Variants in DCLK2 observed in about 807,000 individuals in gnomAD.
DCLK2 encodes the protein doublecortin like kinase 2, also known as serine/threonine-protein kinase DCLK2.
Under a neutral mutation model 78.4 loss-of-function variants are expected in DCLK2, and 31 were observed. The observed-to-expected ratio is 0.40, with a 90% CI of 0.30 to 0.53. The LOEUF (loss-of-function observed/expected upper bound fraction) is 0.53, where lower values mean the gene tolerates loss of function less well. Among genes scored for constraint, DCLK2 ranks in the 20% least tolerant of loss-of-function variants. The pLI is 0.61. For missense variants in DCLK2, 872 were observed against 973.7 expected, an observed-to-expected ratio of 0.90 and a Z score of 1.39; for synonymous variants, 407 against 374.9, an observed-to-expected ratio of 1.09 and a Z score of -0.99.
rs528775525 is a variant in DCLK2 at position 150,110,950 on chromosome 4, A to T, written c.756+8138A>T. 2.6e-5 allele frequency among the ~76,000 whole-genome samples: 4 copies of T among 152,302 alleles called. No homozygotes were observed. In the East Asian group the frequency reaches 7.7e-4, roughly 29 times the overall value. ...GAATTGTGCTATGATAAACATACAC[A>T]TGCAGTGTCTTTTTGATATAATGGC... is the stretch of plus-strand genomic sequence containing the variant. On this transcript the variant is annotated intron_variant, in intron 2 of 15. Transcript: ENST00000296550.
chr4:150,118,399 T>G (rs1171146354), intron 2 of DCLK2, among the ~76,000 whole-genome samples: 1 of 152,176 alleles, frequency 6.6e-6, no homozygotes, highest in African/African-American at 2.4e-5. Flanking sequence ...GAGTGATTAG[T>G]ACTAGACAAA....
At chr4:150,179,732 C>G (rs754202708) in intron 2 of DCLK2, among the ~76,000 whole-genome samples, 2 of 152,144 alleles carry the variant, frequency 1.3e-5, no homozygotes, top group African/African-American at 2.4e-5. Flanking sequence ...CAAATAGAGT[C>G]CCATTCTGTT....
At chr4:150,244,655 C>T (rs986039333) in intron 12 of DCLK2, among the ~76,000 whole-genome samples, 5 of 152,320 alleles carry the variant, frequency 3.3e-5, no homozygotes, top group East Asian at 3.9e-4. Flanking sequence ...AGTATCAATG[C>T]GATACCGGAT....
intron 2 of DCLK2, among the ~76,000 whole-genome samples, chr4:150,124,098 C>G (rs542102061): frequency 6.6e-6 from 1 of 151,940 alleles, no homozygotes; most frequent in Non-Finnish European, 1.5e-5. Context: ...GACAAACTTT[C>G]ATGAATATTC....
chr4:150,242,115 C>G (rs371289295), intron 12 of DCLK2, among the ~76,000 whole-genome samples: 1 of 152,194 alleles, frequency 6.6e-6, no homozygotes, highest in Non-Finnish European at 1.5e-5. Context: ...TTTCCCATTG[C>G]GTTGAACAAT....
At chr4:150,228,323 G>A (rs918541419) in intron 8 of DCLK2, among the ~76,000 whole-genome samples, 1 of 152,174 alleles carries the variant, frequency 6.6e-6, no homozygotes, top group Non-Finnish European at 1.5e-5. Context: ...GAAATCACGT[G>A]GTGATTTGTA....
intron 12 of DCLK2, among the ~76,000 whole-genome samples, chr4:150,245,183 A>C (rs928218544): frequency 6.6e-5 from 10 of 152,220 alleles, no homozygotes; most frequent in Non-Finnish European, 1.3e-4. Flanking sequence ...AATAACAGTG[A>C]AAAGGAAAGA....
chr4:150,196,334 G>A (rs1739028914), intron 3 of DCLK2, among the ~76,000 whole-genome samples: 1 of 152,128 alleles, frequency 6.6e-6, no homozygotes, highest in Non-Finnish European at 1.5e-5. Context: ...ATGCATTTAA[G>A]ATGTTTCTAA....
intron 8 of DCLK2, among the ~76,000 whole-genome samples, chr4:150,229,662 G>T (rs980048942): frequency 1.1e-4 from 17 of 152,048 alleles, no homozygotes; most frequent in Admixed American, 9.8e-4. Flanking sequence ...CTCTTTGTAC[G>T]TTAAAAATCA....
chr4:150,135,165 T>TATACACACACAC (rs1553959332), intron 2 of DCLK2, among the ~76,000 whole-genome samples: 1 of 146,822 alleles, frequency 6.8e-6, no homozygotes, highest in Non-Finnish European at 1.5e-5. Context: ...CATACACGTG[T>TATACACACACAC]ACACACACAC....
intron 2 of DCLK2, among the ~76,000 whole-genome samples, chr4:150,190,374 G>C (rs539867045): frequency 2.0e-5 from 3 of 152,054 alleles, no homozygotes; most frequent in African/African-American, 7.2e-5. Context: ...ATGGTGGTAA[G>C]AATCAGCTCT....
At chr4:150,239,115 C>A (rs919137045) in intron 10 of DCLK2, among the ~76,000 whole-genome samples, 14 of 152,152 alleles carry the variant, frequency 9.2e-5, no homozygotes, top group African/African-American at 3.4e-4. Context: ...TCTCTCACGC[C>A]TATCAGGTAC....
chr4:150,238,752 C>G (rs549103485), intron 10 of DCLK2, among the ~76,000 whole-genome samples: 7 of 152,260 alleles, frequency 4.6e-5, no homozygotes, highest in Non-Finnish European at 8.8e-5. Context: ...CTGGCATTAT[C>G]TCACTTCATA....
chr4:150,244,805 T>G (rs1027998526), intron 12 of DCLK2, among the ~76,000 whole-genome samples: 1 of 152,260 alleles, frequency 6.6e-6, no homozygotes, highest in Non-Finnish European at 1.5e-5. Flanking sequence ...GGTCCCATTC[T>G]CATTGCTGAG....
At position 150,240,514 on chromosome 4, in the gene DCLK2, T is replaced by C. The variant is rs746046499; in HGVS notation, c.1778+38T>C. The C allele has an allele frequency of 1.0e-4, 167 of 1,592,206 alleles. 1 individual carries two copies. The highest frequency in any genetic ancestry group is 1.7e-5 in the Admixed American group (1 of 59,450). On this transcript the variant is annotated intron_variant, in intron 12 of 15. Coordinates refer to ENST00000296550, the MANE Select transcript of DCLK2 (RefSeq NM_001040260.4). ...TTGGGCGACGTATTTGAATTGCAAA[T>C]GTTCTCCCTTGGGTCCAGAAGCAGG...
At chr4:150,244,682 C>G (rs965337535) in intron 12 of DCLK2, among the ~76,000 whole-genome samples, 1 of 152,222 alleles carries the variant, frequency 6.6e-6, no homozygotes, top group Non-Finnish European at 1.5e-5. Context: ...TGGATTTAAT[C>G]AGAACAGCTT....
At chr4:150,209,027 G>A (rs546500139) in intron 5 of DCLK2, among the ~76,000 whole-genome samples, 1 of 152,324 alleles carries the variant, frequency 6.6e-6, no homozygotes, top group Admixed American at 6.5e-5. Context: ...TGGGTGTTGA[G>A]CCCATGCTCA....
chr4:150,095,246 A>C (rs560824298), intron 1 of DCLK2, among the ~76,000 whole-genome samples: 4 of 152,094 alleles, frequency 2.6e-5, no homozygotes, highest in Admixed American at 2.6e-4. Context: ...GTCCCTTCCC[A>C]TTTACAAGTC....
At chr4:150,227,161 G>A (rs1741682882) in intron 8 of DCLK2, among the ~76,000 whole-genome samples, 1 of 152,124 alleles carries the variant, frequency 6.6e-6, no homozygotes, top group African/African-American at 2.4e-5. Context: ...TGGTTACACA[G>A]CCTGTACATT....
Sources: allele counts gnomAD v4.1 joint callset (sites outside exome capture counted in the v4.1 genomes callset), GRCh38; gene constraint gnomAD v4.1.1; transcripts MANE v1.5; gene names NCBI Gene and HGNC (gene_info 2026-07-23, HGNC 2026-07-21).